Variants in CTNNA2 observed in about 807,000 individuals in gnomAD.
CTNNA2 encodes catenin alpha-2.
A neutral mutation model predicts 101.0 loss-of-function variants in CTNNA2; 42 were observed. The observed-to-expected ratio is 0.42, with a 90% CI of 0.32 to 0.54. CTNNA2 has a LOEUF of 0.54. CTNNA2 is among the 20% of genes least tolerant of loss of function. CTNNA2 has a pLI of 0.14. For synonymous variants in CTNNA2, 450 were observed against 456.4 expected (o/e 0.99, Z 0.18); for missense variants, 871 against 1,223.1 (o/e 0.71, Z 4.29).
At chr2:80,539,253 AAATTC>A (rs772052170) in intron 9 of CTNNA2, among the ~76,000 whole-genome samples, 2 of 151,930 alleles carry the variant, frequency 1.3e-5, no homozygotes, top group East Asian at 3.9e-4. Flanking sequence ...ATTGTAATAC[AAATTC>A]AATTAATGGA....
At chr2:80,259,261 C>A (rs149661917) in intron 7 of CTNNA2, among the ~76,000 whole-genome samples, 1 of 152,222 alleles carries the variant, frequency 6.6e-6, no homozygotes, top group South Asian at 2.1e-4. Flanking sequence ...TAACATTGAC[C>A]CCATTTATTC....
At chr2:79,775,634 G>A (rs1207120933) in intron 3 of CTNNA2, among the ~76,000 whole-genome samples, 1 of 152,044 alleles carries the variant, frequency 6.6e-6, no homozygotes, top group Non-Finnish European at 1.5e-5. Flanking sequence ...ACAAAACTGA[G>A]GCCCAGTGAG....
intron 9 of CTNNA2, among the ~76,000 whole-genome samples, chr2:80,438,499 T>A (rs1038874530): frequency 2.0e-5 from 3 of 152,198 alleles, no homozygotes; most frequent in African/African-American, 7.2e-5. Flanking sequence ...GCTTTACATT[T>A]AATTTTTACT....
chr2:80,014,009 CAGTT>C (rs1192313800), intron 7 of CTNNA2, among the ~76,000 whole-genome samples: 33 of 152,176 alleles, frequency 2.2e-4, no homozygotes, highest in Admixed American at 2.0e-3. Context: ...GCTTAAAACT[CAGTT>C]AGGATTTACA....
chr2:80,475,155 C>T (rs749435536), intron 9 of CTNNA2, among the ~76,000 whole-genome samples: 1 of 152,204 alleles, frequency 6.6e-6, no homozygotes, highest in Admixed American at 6.5e-5. Flanking sequence ...TTAACGATCT[C>T]ATTCACACAT....
At chr2:79,756,116 A>G (rs1380334319) in intron 3 of CTNNA2, among the ~76,000 whole-genome samples, 1 of 151,476 alleles carries the variant, frequency 6.6e-6, no homozygotes, top group African/African-American at 2.4e-5. Flanking sequence ...ATTGCAAGAC[A>G]TTGGAAGATA....
intron 7 of CTNNA2, among the ~76,000 whole-genome samples, chr2:80,127,109 T>G (rs1702177475): frequency 6.6e-6 from 1 of 152,172 alleles, no homozygotes; most frequent in South Asian, 2.1e-4. Context: ...AGGCTGACCT[T>G]GCAAGTTAGT....
chr2:80,576,581 T>C (rs1695068427), intron 13 of CTNNA2, among the ~76,000 whole-genome samples: 1 of 151,968 alleles, frequency 6.6e-6, no homozygotes, highest in Non-Finnish European at 1.5e-5. Flanking sequence ...TCATTGCTTC[T>C]AGGAGAAATA....
chr2:80,139,404 G>GT (rs1364260405), intron 7 of CTNNA2, among the ~76,000 whole-genome samples: 4 of 151,934 alleles, frequency 2.6e-5, no homozygotes, highest in African/African-American at 7.3e-5. Flanking sequence ...TGCTCCCTCT[G>GT]TTTTTTTCTT....
chr2:80,086,989 A>G (rs2148814078), intron 7 of CTNNA2, among the ~76,000 whole-genome samples: 1 of 152,156 alleles, frequency 6.6e-6, no homozygotes, highest in East Asian at 1.9e-4. Flanking sequence ...TTACTAACAG[A>G]GCAGCTATTA....
intron 3 of CTNNA2, among the ~76,000 whole-genome samples, chr2:79,817,894 G>C (rs1262523996): frequency 6.6e-6 from 1 of 152,120 alleles, no homozygotes; most frequent in Non-Finnish European, 1.5e-5. Context: ...TTGCACCATC[G>C]ATGTAAATAA....
intron 15 of CTNNA2, among the ~76,000 whole-genome samples, chr2:80,597,060 C>T (rs1170465962): frequency 6.6e-6 from 1 of 152,164 alleles, no homozygotes; most frequent in Non-Finnish European, 1.5e-5. Context: ...ATGAACTCAA[C>T]TTGATCATGG....
chr2:79,939,874 C>T (rs1344214905), intron 7 of CTNNA2, among the ~76,000 whole-genome samples: 1 of 152,102 alleles, frequency 6.6e-6, no homozygotes, highest in Non-Finnish European at 1.5e-5. Flanking sequence ...GGGCAGATCA[C>T]CTGACGTCGG....
chr2:79,839,535 A>G (rs1574100650), intron 3 of CTNNA2, among the ~76,000 whole-genome samples: 3 of 151,978 alleles, frequency 2.0e-5, no homozygotes, highest in African/African-American at 7.2e-5. Flanking sequence ...TTTTCTTTGC[A>G]ATTCTGATTA....
At chr2:79,300,674 T>A (rs947132828) in intron 2 of CTNNA2, among the ~76,000 whole-genome samples, 2 of 152,188 alleles carry the variant, frequency 1.3e-5, no homozygotes, top group East Asian at 3.9e-4. Context: ...AAATCTTATA[T>A]TTCTTAAAAA....
At chr2:79,361,704 C>A (rs1426331919) in intron 3 of CTNNA2, among the ~76,000 whole-genome samples, 3 of 152,112 alleles carry the variant, frequency 2.0e-5, no homozygotes, top group African/African-American at 7.2e-5. Context: ...AGGCCATTTG[C>A]AAGTTGAGGA....
At chr2:80,251,468 C>T (rs1263316518) in intron 7 of CTNNA2, among the ~76,000 whole-genome samples, 1 of 152,102 alleles carries the variant, frequency 6.6e-6, no homozygotes, top group Non-Finnish European at 1.5e-5. Flanking sequence ...AAGAGGGGGA[C>T]CTGAATGAAA....
chr2:80,484,396 G>T (rs1326991038), intron 9 of CTNNA2, among the ~76,000 whole-genome samples: 1 of 152,140 alleles, frequency 6.6e-6, no homozygotes, highest in South Asian at 2.1e-4. Context: ...GGCAGAATGG[G>T]ACTGAAAACA....
chr2:79,871,729 C>G (rs1197043696), intron 5 of CTNNA2, among the ~76,000 whole-genome samples: 1 of 152,166 alleles, frequency 6.6e-6, no homozygotes. Flanking sequence ...AGATACCCCT[C>G]AATCCAGTCA....
Sources: allele counts gnomAD v4.1 joint callset (sites outside exome capture counted in the v4.1 genomes callset), GRCh38; gene constraint gnomAD v4.1.1; transcripts MANE v1.5; gene names NCBI Gene and HGNC (gene_info 2026-07-23, HGNC 2026-07-21).